The following ECHDC2 variants were observed in gnomAD, a reference collection of about 807,000 sequenced individuals.
The protein encoded by ECHDC2 is enoyl-CoA hydratase domain-containing protein 2, mitochondrial.
A neutral mutation model predicts 40.6 loss-of-function variants in ECHDC2; 34 were observed. The observed-to-expected ratio is 0.84, with a 90% CI of 0.64 to 1.11. ECHDC2 has a LOEUF of 1.11. ECHDC2 is among the 50% of genes most tolerant of loss of function. ECHDC2 has a pLI of 0.00. For missense variants in ECHDC2, 392 were observed against 400.7 expected, an observed-to-expected ratio of 0.98 and a Z score of 0.19; for synonymous variants, 162 against 166.6, an observed-to-expected ratio of 0.97 and a Z score of 0.21.
In ECHDC2 at chr1:52,896,445, A is replaced by G. The variant is rs888845544; in HGVS notation, c.*75T>C. 139 of 1,178,980 alleles carry G rather than the reference A, an allele frequency of 1.2e-4. No individual in the cohort carries two copies. Among genetic ancestry groups the G allele is most frequent in the Non-Finnish European group, 1.6e-4 (124 of 783,346 alleles). 73.0% of individuals were successfully genotyped at this position (1,178,980 alleles called of 1,614,324 possible). A position where few individuals can be genotyped will look rare whatever the true frequency, so the allele number is the denominator to read the frequency against. On this transcript the variant is annotated 3_prime_UTR_variant, in exon 10 of 10. Coordinates refer to ENST00000371522, the MANE Select transcript of ECHDC2 (RefSeq NM_001198961.2). The stretch of plus-strand genomic sequence containing the variant: ...CTGGAGAGGTGAAATGATGAAGGCA[A>G]TCTGGCCACAAATCTTCCTTCTGGA...
intron 1 of ECHDC2, among the ~76,000 whole-genome samples, chr1:52,917,803 G>A (rs1383671945): frequency 6.6e-6 from 1 of 152,164 alleles, no homozygotes; most frequent in Non-Finnish European, 1.5e-5. Context: ...TCAAATGCTG[G>A]TGGTGAGGCT....
In ECHDC2 at chr1:52,896,156, C is replaced by A; in HGVS notation, c.*364G>T. ...GAAACTAGGGGTATCTTAAAATCTT[C>A]TGACATCTCTAATGAGTGCCTGATA... On this transcript the variant is annotated 3_prime_UTR_variant, in exon 10 of 10. Transcript: ENST00000371522. The A allele has an allele frequency of 4.6e-6, 1 of 215,670 alleles. No homozygotes were observed. Among genetic ancestry groups the A allele is most frequent in the South Asian group, 8.2e-5 (1 of 12,164 alleles). 13.4% of individuals were successfully genotyped at this position (215,670 alleles called of 1,614,324 possible).
At chr1:52,900,468 ATATT>A (rs971068620) in intron 7 of ECHDC2, 3 of 152,232 alleles carry the variant, frequency 2.0e-5, no homozygotes, top group African/African-American at 7.2e-5. Context: ...CTTACTATGC[ATATT>A]TAAATTTTGT....
intron 3 of ECHDC2, among the ~76,000 whole-genome samples, chr1:52,910,352 G>GCTTTTTT (rs1649094598): frequency 9.3e-5 from 3 of 32,102 alleles, no homozygotes; most frequent in African/African-American, 3.2e-4. Context: ...CCACAATTTC[G>GCTTTTTT]TTTTTTTTTT....
At chr1:52,907,671 A>C in intron 4 of ECHDC2, 197 bp downstream of exon 4, 1 of 552,852 alleles carries the variant, frequency 1.8e-6, no homozygotes, top group Non-Finnish European at 3.2e-6. Context: ...GCGGGACACA[A>C]AAGCTGAAGA....
chr1:52,898,981 A>T (rs1275599633), intron 8 of ECHDC2, 193 bp downstream of exon 8: 1 of 672,746 alleles, frequency 1.5e-6, no homozygotes, highest in African/African-American at 1.8e-5. Flanking sequence ...TGAGGATAGA[A>T]TGTAAACAAT....
chr1:52,905,267 G>T (rs1039375190), intron 5 of ECHDC2, 177 bp from the exon 6 acceptor site: 1 of 636,944 alleles, frequency 1.6e-6, no homozygotes. Flanking sequence ...CAGAAGTCAG[G>T]AGCCCAGGCC....
In ECHDC2 at chr1:52,896,381, ATT is replaced by A; in HGVS notation, c.*137_*138del. 1 of 751,786 alleles carries A rather than the reference ATT, an allele frequency of 1.3e-6. No individual in the cohort carries two copies. Among genetic ancestry groups the A allele is most frequent in the East Asian group, 2.6e-5 (1 of 39,084 alleles). 46.6% of individuals were successfully genotyped at this position (751,786 alleles called of 1,614,324 possible). A position where few individuals can be genotyped will look rare whatever the true frequency, so the allele number is the denominator to read the frequency against. ...CTTGGTTCCAGGCATCACGCCAGTC[ATT>A]TTATTTCCATCATCATCCTTGTGAA... On this transcript the variant is annotated 3_prime_UTR_variant, in exon 10 of 10. Coordinates refer to ENST00000371522, the MANE Select transcript of ECHDC2 (RefSeq NM_001198961.2).
At position 52,908,400 on chromosome 1, in the gene ECHDC2, C is replaced by T. The variant is rs140614374; in HGVS notation, c.278-446G>A. ...CCTATAATCCCAGCTACTCAGGTGG[C>T]GGAGGCAGGAGAATCACCTGAACCC... is the stretch of plus-strand genomic sequence containing the variant. On this transcript the variant is annotated intron_variant, in intron 3 of 9. Transcript: ENST00000371522. Among the ~76,000 whole-genome samples, 66 of 152,018 alleles carry T rather than the reference C, an allele frequency of 4.3e-4. No individual in the cohort carries two copies. In the East Asian group the frequency reaches 0.011, roughly 25 times the overall value.
intron 3 of ECHDC2, among the ~76,000 whole-genome samples, chr1:52,909,085 G>A (rs550240166): frequency 9.9e-5 from 15 of 152,166 alleles, no homozygotes; most frequent in Admixed American, 2.0e-4. Context: ...ACTACCTCAC[G>A]TCTATTAGAA....
chr1:52,921,273 C>G (rs921957679), intron 1 of ECHDC2: 9 of 522,708 alleles, frequency 1.7e-5, no homozygotes, highest in Non-Finnish European at 2.9e-6. Context: ...CCCAGTCCTA[C>G]CCGTGCGGAC....
At chr1:52,906,441 AG>A in intron 5 of ECHDC2, 77 bp downstream of exon 5, 1 of 1,218,220 alleles carries the variant, frequency 8.2e-7, no homozygotes, top group Non-Finnish European at 1.2e-6. Context: ...GGCTGACTGC[AG>A]AATGTCCAGA....
At chr1:52,917,137 G>A (rs558074016) in intron 1 of ECHDC2, among the ~76,000 whole-genome samples, 6 of 151,618 alleles carry the variant, frequency 4.0e-5, no homozygotes, top group Non-Finnish European at 5.9e-5. Flanking sequence ...GCAAAGAATC[G>A]CTTGAAACCA....
chr1:52,901,982 G>A (rs772629472), intron 7 of ECHDC2: 31 of 151,540 alleles, frequency 2.0e-4, no homozygotes, highest in Admixed American at 4.6e-4. Flanking sequence ...CATTAATATT[G>A]TCTAGGCAAT....
At chr1:52,902,452 C>T (rs191583376) in intron 7 of ECHDC2, among the ~76,000 whole-genome samples, 12 of 152,098 alleles carry the variant, frequency 7.9e-5, no homozygotes, top group African/African-American at 1.7e-4. Context: ...CCACTGCACC[C>T]GGCTTCTTTT....
intron 3 of ECHDC2, among the ~76,000 whole-genome samples, chr1:52,910,594 C>T (rs1180814094): frequency 6.6e-6 from 1 of 152,028 alleles, no homozygotes; most frequent in Non-Finnish European, 1.5e-5. Flanking sequence ...GTCTCGAACT[C>T]CTGACCTCAG....
At chr1:52,919,131 C>T (rs1199697801) in intron 1 of ECHDC2, among the ~76,000 whole-genome samples, 1 of 152,148 alleles carries the variant, frequency 6.6e-6, no homozygotes, top group Non-Finnish European at 1.5e-5. Flanking sequence ...CCCAAACCAT[C>T]TGTCCGCCCG....
Position 52,899,215 on chromosome 1 carries a change from C to T in ECHDC2, c.712G>A (p.Ala238Thr), listed in dbSNP as rs760902423. Residue 238 changes from alanine to threonine, a missense_variant, in exon 8 of 10, where the codon GCC becomes ACC. Ala to Thr is a moderately conservative substitution (Grantham distance 58). Transcript: ENST00000371522. ...ATGGCTACTTTGCCCAGCCGCACGG[C>T]AATGGGGGCCTAGGGAAAAGCAAAA... Reference protein sequence around the residue: ...AQEILPQAPIAVRLGKVAIDR... With the variant: ...AQEILPQAPITVRLGKVAIDR... 1.9e-6 allele frequency: 3 copies of T among 1,612,886 alleles called. No individual in the cohort carries two copies. The highest frequency in any genetic ancestry group is 2.5e-6 in the Non-Finnish European group (3 of 1,180,018).
intron 5 of ECHDC2, 53 bp downstream of exon 5, chr1:52,906,466 A>T: frequency 7.0e-7 from 1 of 1,421,884 alleles, no homozygotes; most frequent in Non-Finnish European, 9.8e-7. Flanking sequence ...ACCCTGTTTC[A>T]CTCACCCCTG....
Sources: gnomAD v4.1 joint callset for allele counts (sites outside exome capture counted in the v4.1 genomes callset) on GRCh38, gnomAD v4.1.1 for gene constraint, MANE v1.5 for transcripts, NCBI Gene and HGNC (gene_info 2026-07-23, HGNC 2026-07-21) for gene names.